NPLOC4: variants seen among roughly 807,000 people sequenced by gnomAD.
The protein encoded by NPLOC4 is nuclear protein localization protein 4 homolog.
In NPLOC4, 18 loss-of-function variants were observed where a neutral mutation model predicts 80.6. That is an observed-to-expected ratio of 0.22 (90% confidence interval 0.15 to 0.33). NPLOC4 has a LOEUF of 0.33. Ranked by LOEUF, NPLOC4 falls within the 10% of genes least tolerant of loss-of-function variation. The probability of loss-of-function intolerance (pLI) is 1.00; values close to 1 mark genes in which losing one functional copy is unlikely to be tolerated. For synonymous variants in NPLOC4, 313 were observed against 301.5 expected (o/e 1.04, Z -0.39); for missense variants, 540 against 786.1 (o/e 0.69, Z 3.74).
chr17:81,619,959 C>T (rs953450627), intron 3 of NPLOC4, among the ~76,000 whole-genome samples: 1 of 151,992 alleles, frequency 6.6e-6, no homozygotes, highest in Admixed American at 6.6e-5. Context: ...CTCTGTTTAC[C>T]GCTTTGCATC....
intron 12 of NPLOC4, among the ~76,000 whole-genome samples, chr17:81,584,058 C>A (rs1025486545): frequency 6.6e-5 from 10 of 152,172 alleles, no homozygotes; most frequent in African/African-American, 2.4e-4. Context: ...AATTGTTTCC[C>A]ATTTTTATTG....
chr17:81,606,467 CA>C (rs2035206672), intron 7 of NPLOC4, among the ~76,000 whole-genome samples: 1 of 152,112 alleles, frequency 6.6e-6, no homozygotes, highest in South Asian at 2.1e-4. Context: ...TATGAGCCAG[CA>C]AAACAGAGAA....
At chr17:81,627,164 G>A (rs1240509836) in intron 2 of NPLOC4, among the ~76,000 whole-genome samples, 1 of 151,956 alleles carries the variant, frequency 6.6e-6, no homozygotes, top group African/African-American at 2.4e-5. Context: ...GCCGAGGCAG[G>A]CGGATCATGA....
intron 3 of NPLOC4, among the ~76,000 whole-genome samples, chr17:81,620,003 G>A (rs988556412): frequency 6.6e-6 from 1 of 152,172 alleles, no homozygotes; most frequent in Non-Finnish European, 1.5e-5. Flanking sequence ...GGTCATGCTG[G>A]AGGGTCTTGT....
intron 1 of NPLOC4, 68 bp downstream of exon 1, chr17:81,636,848 C>T: frequency 7.4e-7 from 1 of 1,344,720 alleles, no homozygotes; most frequent in African/African-American, 1.5e-5. Context: ...GCCTCCCCCA[C>T]AGGCCGAGGC....
At chr17:81,613,038 C>A (rs61456370) in intron 4 of NPLOC4, 17,235 of 291,388 alleles carry the variant, frequency 0.059, 930 homozygotes, top group East Asian at 0.24. Context: ...AGGCCCCCAA[C>A]TCCCCCAATA....
At chr17:81,563,741 C>A in intron 16 of NPLOC4, 1 of 350,140 alleles carries the variant, frequency 2.9e-6, no homozygotes, top group Admixed American at 3.8e-5. Flanking sequence ...ACAGTGAGAC[C>A]TCATTGATAC....
intron 14 of NPLOC4, among the ~76,000 whole-genome samples, chr17:81,568,277 C>T (rs866356024): frequency 1.3e-5 from 2 of 151,912 alleles, no homozygotes; most frequent in Admixed American, 1.3e-4. Context: ...GCAGGGCAGC[C>T]GTGATGCAGC....
chr17:81,610,016 G>C (rs938761785), intron 5 of NPLOC4, among the ~76,000 whole-genome samples, 194 bp downstream of exon 5: 5 of 152,180 alleles, frequency 3.3e-5, no homozygotes, highest in African/African-American at 1.2e-4. Context: ...CAGCGAGAAG[G>C]TCACTCCCAT....
At chr17:81,587,338 CG>C (rs1193654027) in intron 12 of NPLOC4, among the ~76,000 whole-genome samples, 1 of 151,302 alleles carries the variant, frequency 6.6e-6, no homozygotes, top group Admixed American at 6.6e-5. Context: ...TTTTTTGAGA[CG>C]GAGTCTTGCT....
intron 12 of NPLOC4, among the ~76,000 whole-genome samples, chr17:81,587,712 T>C (rs1177400763): frequency 4.5e-5 from 6 of 133,818 alleles, no homozygotes; most frequent in South Asian, 2.5e-4. Flanking sequence ...CTAGCTCTGT[T>C]CCCCAGGCTG....
At chr17:81,579,398 C>A (rs1257448934) in intron 12 of NPLOC4, among the ~76,000 whole-genome samples, 1 of 152,118 alleles carries the variant, frequency 6.6e-6, no homozygotes, top group Non-Finnish European at 1.5e-5. Flanking sequence ...AGACTTCGAG[C>A]TGTCTGATGC....
At chr17:81,574,037 C>A (rs1237705373) in intron 12 of NPLOC4, among the ~76,000 whole-genome samples, 1 of 152,184 alleles carries the variant, frequency 6.6e-6, no homozygotes, top group African/African-American at 2.4e-5. Context: ...CCTGGGGCCC[C>A]AAAAGAGGTG....
At chr17:81,633,635 A>G (rs886837726) in intron 1 of NPLOC4, among the ~76,000 whole-genome samples, 2 of 152,202 alleles carry the variant, frequency 1.3e-5, no homozygotes, top group African/African-American at 2.4e-5. Context: ...TTCCCTATTT[A>G]TAAGAAAATA....
At chr17:81,610,576 G>A (rs993038937) in intron 4 of NPLOC4, among the ~76,000 whole-genome samples, 3 of 152,086 alleles carry the variant, frequency 2.0e-5, no homozygotes, top group Non-Finnish European at 4.4e-5. Flanking sequence ...ACACCCAGAA[G>A]TTTACTACTT....
At chr17:81,616,375 T>C (rs151215693) in intron 3 of NPLOC4, among the ~76,000 whole-genome samples, 1 of 149,490 alleles carries the variant, frequency 6.7e-6, no homozygotes, top group Non-Finnish European at 1.5e-5. Context: ...CCTTCAGGAT[T>C]CCTCAAGACC....
At chr17:81,616,376 C>T (rs2035488737) in intron 3 of NPLOC4, among the ~76,000 whole-genome samples, 1 of 149,392 alleles carries the variant, frequency 6.7e-6, no homozygotes, top group Non-Finnish European at 1.5e-5. Flanking sequence ...CTTCAGGATT[C>T]CTCAAGACCA....
At chr17:81,593,172 C>A (rs2144158221) in intron 11 of NPLOC4, among the ~76,000 whole-genome samples, 1 of 152,154 alleles carries the variant, frequency 6.6e-6, no homozygotes. Context: ...TTATAAATAG[C>A]CACAAAACAG....
chr17:81,595,532 ATATT>A (rs1483961640), intron 11 of NPLOC4, among the ~76,000 whole-genome samples: 4 of 117,696 alleles, frequency 3.4e-5, no homozygotes, highest in African/African-American at 1.2e-4. Flanking sequence ...ATATATATAT[ATATT>A]TTTTTTTTCT....
Sources: allele counts gnomAD v4.1 joint callset (sites outside exome capture counted in the v4.1 genomes callset), GRCh38; gene constraint gnomAD v4.1.1; transcripts MANE v1.5; gene names NCBI Gene and HGNC (gene_info 2026-07-23, HGNC 2026-07-21).